Variants in TMEM132B observed in about 807,000 individuals in gnomAD.
TMEM132B encodes transmembrane protein 132B.
A neutral mutation model predicts 90.8 loss-of-function variants in TMEM132B; 18 were observed. The ratio of observed to expected loss-of-function variants is 0.20; its 90% CI spans 0.14 to 0.29. The LOEUF is 0.29. Among genes scored for constraint, TMEM132B ranks in the 10% least tolerant of loss-of-function variants. The probability of loss-of-function intolerance (pLI) is 1.00; values close to 1 mark genes in which losing one functional copy is unlikely to be tolerated. For missense variants in TMEM132B, 1,096 were observed against 1,326.8 expected, an observed-to-expected ratio of 0.83 and a Z score of 2.70; for synonymous variants, 504 against 523.3, an observed-to-expected ratio of 0.96 and a Z score of 0.50.
At chr12:125,561,482 G>T (rs778044889) in intron 4 of TMEM132B, among the ~76,000 whole-genome samples, 1 of 152,046 alleles carries the variant, frequency 6.6e-6, no homozygotes, top group Non-Finnish European at 1.5e-5. Context: ...TAACAAACCT[G>T]CACGTTCTGC....
chr12:125,660,006 T>A lies in TMEM132B; in HGVS notation c.*5296T>A, dbSNP rs1292921923. ...ACAGAACTCAACTGGTCCAGCCCTT[T>A]GGGAGGCCCAGGTGGGCAGATCACC... On this transcript the variant is annotated 3_prime_UTR_variant, in exon 9 of 9. Coordinates refer to ENST00000682704, the MANE Select transcript of TMEM132B (RefSeq NM_001366854.1). The A allele has an allele frequency of 6.6e-6, 1 of 152,386 alleles. No homozygotes were observed. Among genetic ancestry groups the A allele is most frequent in the Non-Finnish European group, 1.5e-5 (1 of 68,172 alleles). The allele number at this position is 152,386 out of a possible 1,614,324, so 9.4% of individuals were successfully genotyped here.
chr12:125,345,006 C>T lies in TMEM132B; in HGVS notation c.68-4446C>T, dbSNP rs934826149. 2.6e-5 allele frequency among the ~76,000 whole-genome samples: 4 copies of T among 152,270 alleles called. No homozygotes were observed. The South Asian group carries it at 6.2e-4, about 24-fold the overall frequency. On this transcript the variant is annotated intron_variant, in intron 1 of 8. Transcript: ENST00000682704. ...GCCTCCTTTTGGCTCCTGGCCTTCA[C>T]GACCATGAAATCAGTAAGGGTTGTG... is the stretch of plus-strand genomic sequence containing the variant.
At chr12:125,409,278 T>C (rs1353664176) in intron 2 of TMEM132B, among the ~76,000 whole-genome samples, 1 of 152,180 alleles carries the variant, frequency 6.6e-6, no homozygotes, top group African/African-American at 2.4e-5. Flanking sequence ...CTTCCTCGTG[T>C]CCTGGAAATC....
intron 1 of TMEM132B, among the ~76,000 whole-genome samples, chr12:125,311,513 C>T (rs1876124251): frequency 6.6e-6 from 1 of 152,186 alleles, no homozygotes; most frequent in South Asian, 2.1e-4. Context: ...GTCGCCACCT[C>T]TAGCTTTGAA....
intron 1 of TMEM132B, among the ~76,000 whole-genome samples, chr12:125,225,909 T>C (rs185385209): frequency 6.6e-5 from 10 of 152,274 alleles, no homozygotes; most frequent in African/African-American, 1.9e-4. Context: ...GGACAAACAG[T>C]ATGGTCAAAT....
intron 3 of TMEM132B, among the ~76,000 whole-genome samples, chr12:125,489,439 C>A (rs1204505484): frequency 6.6e-6 from 1 of 151,984 alleles, no homozygotes; most frequent in East Asian, 1.9e-4. Flanking sequence ...ATGGGTGTCT[C>A]ACTCTTTTGC....
intron 2 of TMEM132B, among the ~76,000 whole-genome samples, chr12:125,390,438 A>G (rs1593118741): frequency 6.6e-6 from 1 of 152,220 alleles, no homozygotes; most frequent in African/African-American, 2.4e-5. Context: ...AAACCTTTTC[A>G]TTTGTAGTGG....
At chr12:125,493,010 A>G (rs1882396658) in intron 3 of TMEM132B, among the ~76,000 whole-genome samples, 1 of 152,174 alleles carries the variant, frequency 6.6e-6, no homozygotes, top group Admixed American at 6.5e-5. Context: ...GGACTAGTGG[A>G]GTTACGGAGT....
chr12:125,592,588 G>A (rs560342900), intron 5 of TMEM132B, among the ~76,000 whole-genome samples: 1 of 152,254 alleles, frequency 6.6e-6, no homozygotes, highest in South Asian at 2.1e-4. Context: ...GTGGGGAGCT[G>A]GTCACTAGAT....
chr12:125,302,363 TA>T (rs527250787), intron 1 of TMEM132B, among the ~76,000 whole-genome samples: 381 of 136,926 alleles, frequency 2.8e-3, no homozygotes, highest in Admixed American at 2.8e-3. Context: ...AGATCCTGTC[TA>T]AAAAAAAAAA....
intron 1 of TMEM132B, among the ~76,000 whole-genome samples, chr12:125,284,643 A>G (rs75231965): frequency 6.6e-6 from 1 of 152,222 alleles, no homozygotes; most frequent in Non-Finnish European, 1.5e-5. Flanking sequence ...TTTTGCCAGT[A>G]TCTGGTGGAT....
At chr12:125,556,916 G>T (rs1468139692) in intron 4 of TMEM132B, among the ~76,000 whole-genome samples, 1 of 151,954 alleles carries the variant, frequency 6.6e-6, no homozygotes, top group Admixed American at 6.6e-5. Flanking sequence ...CACCATGCCT[G>T]GCTAATTTTT....
chr12:125,604,191 C>G (rs540501601), intron 5 of TMEM132B, among the ~76,000 whole-genome samples: 13 of 152,138 alleles, frequency 8.5e-5, no homozygotes, highest in African/African-American at 2.7e-4. Flanking sequence ...GAGATGGAAC[C>G]AACCAAAATG....
At chr12:125,220,648 T>C (rs1436830923) in intron 1 of TMEM132B, among the ~76,000 whole-genome samples, 1 of 152,208 alleles carries the variant, frequency 6.6e-6, no homozygotes, top group Admixed American at 6.5e-5. Context: ...GCTCCTGGTG[T>C]TGACGCTCTG....
intron 5 of TMEM132B, among the ~76,000 whole-genome samples, chr12:125,625,573 C>T (rs1276469214): frequency 6.6e-6 from 1 of 152,150 alleles, no homozygotes; most frequent in Non-Finnish European, 1.5e-5. Context: ...TGTTGAAGGA[C>T]ATCTGGCTGT....
At chr12:125,388,706 C>G (rs1463989899) in intron 2 of TMEM132B, among the ~76,000 whole-genome samples, 1 of 152,156 alleles carries the variant, frequency 6.6e-6, no homozygotes, top group Non-Finnish European at 1.5e-5. Flanking sequence ...GAACAGTGTT[C>G]CAGGCACCCA....
chr12:125,533,670 T>TC (rs1883710953), intron 4 of TMEM132B, among the ~76,000 whole-genome samples: 1 of 151,644 alleles, frequency 6.6e-6, no homozygotes, highest in South Asian at 2.1e-4. Context: ...CCGCGCGCCC[T>TC]CCCCTCCCCG....
intron 3 of TMEM132B, among the ~76,000 whole-genome samples, chr12:125,471,178 G>A (rs1164202192): frequency 6.6e-6 from 1 of 152,244 alleles, no homozygotes; most frequent in Non-Finnish European, 1.5e-5. Context: ...TTTGCCGAGT[G>A]GAATATCTCT....
At chr12:125,474,284 C>CCCCTCCCCTT (rs1566047136) in intron 3 of TMEM132B, among the ~76,000 whole-genome samples, 1 of 135,874 alleles carries the variant, frequency 7.4e-6, no homozygotes, top group African/African-American at 3.0e-5. Context: ...CCCCTCCCCT[C>CCCCTCCCCTT]CCCTTCCCTT....
Sources: gnomAD v4.1 joint callset for allele counts (sites outside exome capture counted in the v4.1 genomes callset) on GRCh38, gnomAD v4.1.1 for gene constraint, MANE v1.5 for transcripts, NCBI Gene and HGNC (gene_info 2026-07-23, HGNC 2026-07-21) for gene names.